Variants in GFOD2 observed in about 807,000 individuals in gnomAD.
GFOD2 encodes the protein Gfo/Idh/MocA-like oxidoreductase domain containing 2.
Under a neutral mutation model 24.6 loss-of-function variants are expected in GFOD2, and 9 were observed. That is an observed-to-expected ratio of 0.37 (90% CI 0.22 to 0.64). GFOD2 has a LOEUF of 0.64. GFOD2 is among the 30% of genes least tolerant of loss of function. The probability of loss-of-function intolerance (pLI) is 0.65; values close to 1 mark genes in which losing one functional copy is unlikely to be tolerated. For missense variants in GFOD2, 476 were observed against 532.5 expected, an observed-to-expected ratio of 0.89 and a Z score of 1.04; for synonymous variants, 211 against 224.8, an observed-to-expected ratio of 0.94 and a Z score of 0.55.
chr16:67,676,229 C>T (rs764798378), intron 2 of GFOD2, 176 bp from the exon 3 acceptor site: 5 of 632,810 alleles, frequency 7.9e-6, no homozygotes, highest in Non-Finnish European at 1.3e-5. Flanking sequence ...ATCTCCTGGC[C>T]TCAAGCGATC....
At chr16:67,708,797 C>CTGG (rs1567661929) in intron 1 of GFOD2, among the ~76,000 whole-genome samples, 1 of 152,160 alleles carries the variant, frequency 6.6e-6, no homozygotes. Context: ...ACTTGATGCA[C>CTGG]ACCTCTGTCC....
At chr16:67,683,324 A>G (rs2053242033) in intron 2 of GFOD2, 1 of 1,215,360 alleles carries the variant, frequency 8.2e-7, no homozygotes, top group Non-Finnish European at 1.0e-6. Flanking sequence ...GGGGAACCCT[A>G]AAATTCAGGA....
intron 1 of GFOD2, 116 bp from the exon 2 acceptor site, chr16:67,685,918 C>T (rs1245322340): frequency 8.8e-6 from 5 of 570,788 alleles, no homozygotes; most frequent in Non-Finnish European, 1.5e-5. Flanking sequence ...TGCAGTGGTG[C>T]GAAGGCTACT....
At chr16:67,706,385 A>G (rs1270331248) in intron 1 of GFOD2, among the ~76,000 whole-genome samples, 1 of 152,236 alleles carries the variant, frequency 6.6e-6, no homozygotes, top group African/African-American at 2.4e-5. Context: ...TTGTAATACT[A>G]TCTTTACCCT....
chr16:67,676,156 G>A (rs573629874), intron 2 of GFOD2, 103 bp from the exon 3 acceptor site: 35 of 1,159,018 alleles, frequency 3.0e-5, no homozygotes, highest in South Asian at 3.2e-5. Context: ...ACAACTGCAC[G>A]AACTAATTTT....
intron 1 of GFOD2, among the ~76,000 whole-genome samples, chr16:67,699,684 A>G (rs1259065095): frequency 2.0e-5 from 3 of 151,980 alleles, no homozygotes; most frequent in African/African-American, 7.2e-5. Context: ...GGGTTTTGCC[A>G]TGTTGGCCAG....
At chr16:67,710,309 C>T (rs1014139896) in intron 1 of GFOD2, among the ~76,000 whole-genome samples, 1 of 150,030 alleles carries the variant, frequency 6.7e-6, no homozygotes, top group Non-Finnish European at 1.5e-5. Context: ...TAGTAGAAAC[C>T]GGGTTTCACC....
intron 1 of GFOD2, among the ~76,000 whole-genome samples, chr16:67,708,877 TA>T (rs1567661948): frequency 6.6e-6 from 1 of 152,160 alleles, no homozygotes; most frequent in East Asian, 1.9e-4. Flanking sequence ...GAAATGCAAA[TA>T]AGACTCATTT....
intron 1 of GFOD2, among the ~76,000 whole-genome samples, chr16:67,697,764 C>A (rs1567659078): frequency 6.6e-6 from 1 of 152,284 alleles, no homozygotes; most frequent in East Asian, 1.9e-4. Flanking sequence ...TGACTGTTTG[C>A]CTCTGATCCA....
At chr16:67,719,014 A>T (rs931962030) in intron 1 of GFOD2, 149 bp downstream of exon 1, 1 of 152,242 alleles carries the variant, frequency 6.6e-6, no homozygotes, top group African/African-American at 2.4e-5. Context: ...GCCTGCAGGC[A>T]GTTGGAACAA....
chr16:67,683,653 T>C (rs1312081271), intron 2 of GFOD2: 22 of 1,231,604 alleles, frequency 1.8e-5, no homozygotes, highest in Non-Finnish European at 2.1e-5. Flanking sequence ...ACTGAAGTTC[T>C]TTCTCACTTC....
chr16:67,690,335 T>A (rs1465228994), intron 1 of GFOD2, among the ~76,000 whole-genome samples: 1 of 152,160 alleles, frequency 6.6e-6, no homozygotes, highest in Non-Finnish European at 1.5e-5. Flanking sequence ...CCAACCCTTG[T>A]TATTTTCTGG....
rs1396620733 is a variant in GFOD2 at position 67,681,944 on chromosome 16, C to G, written c.259+3513G>C. 4 of 948,922 alleles carry G rather than the reference C, an allele frequency of 4.2e-6. No homozygotes were observed. The African/African-American group carries it at 7.1e-5, about 17-fold the overall frequency. The allele number at this position is 948,922 out of a possible 1,614,324, so 58.8% of individuals were successfully genotyped here. On this transcript the variant is annotated intron_variant, in intron 2 of 2. Coordinates refer to ENST00000268797, the MANE Select transcript of GFOD2 (RefSeq NM_030819.4). The stretch of plus-strand genomic sequence containing the variant: ...CCTATAATTCCAGCACTTTGGGGGG[C>G]CAAAGTAGGATGATTGCCTGAGGTT...
At chr16:67,715,774 TAATTCC>T (rs889039350) in intron 1 of GFOD2, among the ~76,000 whole-genome samples, 4 of 151,958 alleles carry the variant, frequency 2.6e-5, no homozygotes, top group African/African-American at 9.7e-5. Context: ...AGATGTACTC[TAATTCC>T]AATTGTGGAT....
At chr16:67,697,160 G>A (rs749853107) in intron 1 of GFOD2, among the ~76,000 whole-genome samples, 1 of 152,150 alleles carries the variant, frequency 6.6e-6, no homozygotes, top group Non-Finnish European at 1.5e-5. Flanking sequence ...TCAAATCCTG[G>A]CTCTGTCACT....
Position 67,712,332 on chromosome 16 carries a change from C to T in GFOD2, c.-88+6831G>A, listed in dbSNP as rs1374517140. Among the ~76,000 whole-genome samples the T allele has an allele frequency of 1.3e-4, 17 of 132,700 alleles. No individual in the cohort carries two copies. In the East Asian group the frequency reaches 3.3e-3, roughly 26 times the overall value. 87.1% of individuals were successfully genotyped at this position (132,700 alleles called of 152,430 possible). The stretch of plus-strand genomic sequence containing the variant: ...CTCCCTCCACGGTCTCCCTCTGATG[C>T]CGAGCCAAGGCTGGACGGTACTGCT... On this transcript the variant is annotated intron_variant, in intron 1 of 2. Coordinates refer to ENST00000268797, the MANE Select transcript of GFOD2 (RefSeq NM_030819.4).
chr16:67,717,939 G>A (rs1372129143), intron 1 of GFOD2, among the ~76,000 whole-genome samples: 2 of 152,222 alleles, frequency 1.3e-5, no homozygotes, highest in Non-Finnish European at 2.9e-5. Context: ...ACCGTCTGTT[G>A]AAAATTTCCT....
At chr16:67,702,309 G>A (rs1348390820) in intron 1 of GFOD2, among the ~76,000 whole-genome samples, 1 of 151,902 alleles carries the variant, frequency 6.6e-6, no homozygotes, top group Non-Finnish European at 1.5e-5. Context: ...CACTGTCTCT[G>A]CTAAAAATAC....
intron 2 of GFOD2, among the ~76,000 whole-genome samples, chr16:67,678,490 A>AG (rs1489901141): frequency 1.3e-5 from 2 of 150,348 alleles, no homozygotes; most frequent in Non-Finnish European, 3.0e-5. Flanking sequence ...AAAAAAAAAA[A>AG]AAAAGAAAAA....
Sources: allele counts gnomAD v4.1 joint callset (sites outside exome capture counted in the v4.1 genomes callset), GRCh38; gene constraint gnomAD v4.1.1; transcripts MANE v1.5; gene names NCBI Gene and HGNC (gene_info 2026-07-23, HGNC 2026-07-21).